RIPOR2: variants seen among roughly 807,000 people sequenced by gnomAD.
RIPOR2 encodes the protein RHO family interacting cell polarization regulator 2, also known as rho family-interacting cell polarization regulator 2.
Under a neutral mutation model 114.5 loss-of-function variants are expected in RIPOR2, and 39 were observed. That is an observed-to-expected ratio of 0.34 (90% CI 0.26 to 0.44). The LOEUF is 0.44. Among genes scored for constraint, RIPOR2 ranks in the 20% least tolerant of loss-of-function variants. RIPOR2 has a pLI of 1.00. For synonymous variants in RIPOR2, 445 were observed against 484.4 expected, an observed-to-expected ratio of 0.92 and a Z score of 1.07; for missense variants, 1,007 against 1,255.1, an observed-to-expected ratio of 0.80 and a Z score of 2.99.
chr6:24,994,299 G>A (rs1774955894), intron 1 of RIPOR2, among the ~76,000 whole-genome samples: 1 of 152,138 alleles, frequency 6.6e-6, no homozygotes, highest in Admixed American at 6.5e-5. Context: ...GTAAATTAGT[G>A]AAGGTCTGGA....
At chr6:24,904,550 G>T in intron 1 of RIPOR2, among the ~76,000 whole-genome samples, 1 of 152,172 alleles carries the variant, frequency 6.6e-6, no homozygotes, top group South Asian at 2.1e-4. Context: ...TGCCATGTAG[G>T]GCGACATAGT....
intron 1 of RIPOR2, among the ~76,000 whole-genome samples, chr6:25,001,548 C>T (rs1369464273): frequency 1.3e-5 from 2 of 148,880 alleles, no homozygotes; most frequent in African/African-American, 5.0e-5. Flanking sequence ...TTGCTTGAAC[C>T]CAGGAGGCAG....
At chr6:25,019,774 C>CAAAAAAAAAAAAAAAAAAA (rs34107737) in intron 1 of RIPOR2, among the ~76,000 whole-genome samples, 33 of 53,068 alleles carry the variant, frequency 6.2e-4, no homozygotes, top group Admixed American at 1.4e-3. Flanking sequence ...GACTCTGTCT[C>CAAAAAAAAAAAAAAAAAAA]AAAAAAAAAA....
At position 24,875,802 on chromosome 6, in the gene RIPOR2, A is replaced by C. The variant is rs780222303; in HGVS notation, c.77T>G (p.Leu26Arg). 6.2e-7 allele frequency: 1 copy of C among 1,611,278 alleles called. No individual in the cohort carries two copies. The highest frequency in any genetic ancestry group is 2.2e-5 in the East Asian group (1 of 44,806). The change falls in exon 2 of 22, where the codon CTC becomes CGC. Residue 26 changes from leucine (L) to arginine (R), a missense_variant. Transcript: ENST00000643898. ...GGATCCTACCAACATGATTTCCGGGAGTCTGGTCGGTAGTCCTAGAAGACA... is the reference window on the plus strand; with the variant it reads ...GGATCCTACCAACATGATTTCCGGGCGTCTGGTCGGTAGTCCTAGAAGACA... ...DVFGEGLPTR[L>R]PEIMLVGSQS...
In RIPOR2 at chr6:24,835,767, G is replaced by A. The variant is rs1761059140; in HGVS notation, c.2144C>T (p.Thr715Ile). 6.4e-7 allele frequency: 1 copy of A among 1,551,622 alleles called. No individual in the cohort carries two copies. Among genetic ancestry groups the A allele is most frequent in the Non-Finnish European group, 8.7e-7 (1 of 1,146,956 alleles). The change falls in exon 15 of 22, where the codon ACA becomes ATA. Residue 715 changes from threonine (T) to isoleucine (I), a missense_variant. Transcript: ENST00000643898. ...GGTGATGTCCAGGCTCTCGTTGCCTGTGGTCAGTGGGAGAGGACTTCCTGC... is the reference window on the plus strand; with the variant it reads ...GGTGATGTCCAGGCTCTCGTTGCCTATGGTCAGTGGGAGAGGACTTCCTGC... Reference protein sequence around the residue: ...SVAGSPLPLTTGNESLDITIV... With the variant: ...SVAGSPLPLTIGNESLDITIV...
Position 24,965,387 on chromosome 6 carries a change from C to T in RIPOR2, c.76+76464G>A, listed in dbSNP as rs560901304. 2.6e-5 allele frequency among the ~76,000 whole-genome samples: 4 copies of T among 152,308 alleles called. No homozygotes were observed. The South Asian group carries it at 8.3e-4, about 32-fold the overall frequency. ...TCCTGGCCTCAAACAATCCTCTCACCTCTGCCTCCCAAAGTGCTGGGATTA... is the reference window on the plus strand; with the variant it reads ...TCCTGGCCTCAAACAATCCTCTCACTTCTGCCTCCCAAAGTGCTGGGATTA... On this transcript the variant is annotated intron_variant, in intron 1 of 13. Transcript: ENST00000510784.
chr6:25,019,379 T>A (rs1001394929), intron 1 of RIPOR2, among the ~76,000 whole-genome samples: 3 of 151,068 alleles, frequency 2.0e-5, no homozygotes, highest in Admixed American at 6.6e-5. Flanking sequence ...CCCTTTGATT[T>A]ATACTCTAGG....
chr6:24,926,900 CCATCATCACCACCACCAT>C lies in RIPOR2; in HGVS notation c.61+8920_61+8937del, dbSNP rs1008081669. Among the ~76,000 whole-genome samples, 7 of 151,716 alleles carry C rather than the reference CCATCATCACCACCACCAT, an allele frequency of 4.6e-5. 1 individual carries two copies. Among genetic ancestry groups the C allele is most frequent in the South Asian group, 2.1e-4 (1 of 4,792 alleles). Reference sequence around the variant, plus strand: ...ATCATCAGCATCATCTTCACCATTACCATCATCACCACCACCATCATCATCACCACCACCACCATGATT... The same window carrying C: ...ATCATCAGCATCATCTTCACCATTACCATCATCACCACCACCACCATGATT... On this transcript the variant is annotated intron_variant, in intron 1 of 21. Transcript: ENST00000643898.
intron 1 of RIPOR2, among the ~76,000 whole-genome samples, chr6:24,973,010 T>A (rs533502778): frequency 2.0e-5 from 3 of 152,226 alleles, no homozygotes; most frequent in African/African-American, 7.2e-5. Context: ...GCATCCCAGC[T>A]CTTTTAATTA....
At chr6:24,847,826 T>C (rs1215222262) in intron 12 of RIPOR2, 199 bp downstream of exon 12, 1 of 1,163,542 alleles carries the variant, frequency 8.6e-7, no homozygotes, top group Non-Finnish European at 1.2e-6. Context: ...AGGCTGATCT[T>C]AGAGAATGTT....
At chr6:24,973,985 C>T (rs1312923118) in intron 1 of RIPOR2, among the ~76,000 whole-genome samples, 6 of 152,142 alleles carry the variant, frequency 3.9e-5, no homozygotes, top group Non-Finnish European at 8.8e-5. Context: ...GAAAAAGTAA[C>T]TACTGGGTAC....
chr6:24,977,551 T>A (rs909542139), intron 1 of RIPOR2, among the ~76,000 whole-genome samples: 3 of 152,164 alleles, frequency 2.0e-5, no homozygotes, highest in African/African-American at 7.2e-5. Context: ...AGCATAGTAG[T>A]TCCATATTTT....
rs537593405 is a variant in RIPOR2, at chr6:24,884,375, C to T, written c.62-8558G>A. On this transcript the variant is annotated intron_variant, in intron 1 of 21. Coordinates refer to ENST00000643898, the MANE Select transcript of RIPOR2 (RefSeq NM_001286445.3). ...AGTGAGCCGAGATCGTGCCACTGCA[C>T]TCCAGCCTGGGCGACAGAGCGAGAC... Among the ~76,000 whole-genome samples the T allele has an allele frequency of 1.2e-4, 18 of 152,196 alleles. No individual in the cohort carries two copies. In the East Asian group the frequency reaches 3.5e-3, roughly 29 times the overall value.
At chr6:24,922,887 A>C in intron 1 of RIPOR2, among the ~76,000 whole-genome samples, 1 of 151,754 alleles carries the variant, frequency 6.6e-6, no homozygotes, top group Non-Finnish European at 1.5e-5. Context: ...AAAAAGGTAA[A>C]ATACACATAA....
intron 1 of RIPOR2, among the ~76,000 whole-genome samples, chr6:24,897,077 C>T (rs1055878197): frequency 2.6e-5 from 4 of 152,122 alleles, no homozygotes; most frequent in Admixed American, 1.3e-4. Context: ...TTTTGAAGAA[C>T]GCCATTCACA....
intron 1 of RIPOR2, among the ~76,000 whole-genome samples, chr6:24,971,631 T>C (rs1773791097): frequency 6.6e-6 from 1 of 152,242 alleles, no homozygotes; most frequent in Non-Finnish European, 1.5e-5. Context: ...AATGATTTGA[T>C]GACATTGAGG....
intron 1 of RIPOR2, among the ~76,000 whole-genome samples, chr6:25,008,080 C>T (rs1561840665): frequency 6.6e-6 from 1 of 152,160 alleles, no homozygotes; most frequent in Non-Finnish European, 1.5e-5. Flanking sequence ...GAATCTGCCT[C>T]ATGTTTTACT....
At chr6:24,981,786 A>G (rs1581909189) in intron 1 of RIPOR2, among the ~76,000 whole-genome samples, 2 of 152,254 alleles carry the variant, frequency 1.3e-5, no homozygotes, top group African/African-American at 4.8e-5. Flanking sequence ...TGAAATAAAG[A>G]GTATAGTAAC....
At chr6:25,008,775 GGAAATTT>G (rs1242802793) in intron 1 of RIPOR2, among the ~76,000 whole-genome samples, 1 of 152,236 alleles carries the variant, frequency 6.6e-6, no homozygotes, top group African/African-American at 2.4e-5. Context: ...AGGATGCCAA[GGAAATTT>G]GATGAGGAGA....
Sources: gnomAD v4.1 joint callset for allele counts (sites outside exome capture counted in the v4.1 genomes callset) on GRCh38, gnomAD v4.1.1 for gene constraint, MANE v1.5 for transcripts, NCBI Gene and HGNC (gene_info 2026-07-23, HGNC 2026-07-21) for gene names.